Variants in DLGAP2 observed in about 807,000 individuals in gnomAD.
DLGAP2 encodes disks large-associated protein 2.
In DLGAP2, 26 loss-of-function variants were observed where a neutral mutation model predicts 100.3. That is an observed-to-expected ratio of 0.26 (90% CI 0.19 to 0.36). The LOEUF is 0.36. DLGAP2 is among the 10% of genes least tolerant of loss of function. The pLI is 1.00. For synonymous variants in DLGAP2, 886 were observed against 630.1 expected (o/e 1.41, Z -6.08); for missense variants, 1,858 against 1,453.2 (o/e 1.28, Z -4.53).
intron 3 of DLGAP2, among the ~76,000 whole-genome samples, chr8:1,496,604 C>T (rs988712203): frequency 3.3e-5 from 5 of 152,176 alleles, no homozygotes; most frequent in Admixed American, 1.3e-4. Flanking sequence ...ACAGTGATCA[C>T]GGCGCCCTAT....
intron 1 of DLGAP2, among the ~76,000 whole-genome samples, chr8:800,416 C>G (rs1050407095): frequency 5.3e-5 from 8 of 152,214 alleles, no homozygotes; most frequent in African/African-American, 1.7e-4. Flanking sequence ...GACGGTTGTA[C>G]ACAACCATGT....
intron 6 of DLGAP2, chr8:1,622,376 A>T (rs545136167): frequency 6.6e-6 from 1 of 152,310 alleles, no homozygotes; most frequent in East Asian, 1.9e-4. Context: ...AACAAGGGAG[A>T]TGGTTTACGT....
chr8:1,320,831 C>G (rs557099017), intron 3 of DLGAP2, among the ~76,000 whole-genome samples: 1 of 152,160 alleles, frequency 6.6e-6, no homozygotes, highest in African/African-American at 2.4e-5. Flanking sequence ...CTGTGTGTGT[C>G]TGTGTGTGCA....
intron 1 of DLGAP2, among the ~76,000 whole-genome samples, chr8:812,568 T>A (rs1448058952): frequency 1.3e-5 from 2 of 152,208 alleles, no homozygotes; most frequent in African/African-American, 4.8e-5. Context: ...GTTTTGAGAA[T>A]GATTTCTTTT....
At chr8:1,181,709 G>A (rs988696012) in intron 2 of DLGAP2, among the ~76,000 whole-genome samples, 75 of 152,210 alleles carry the variant, frequency 4.9e-4, no homozygotes, top group African/African-American at 1.6e-3. Context: ...ATGAACAAAC[G>A]ATGGGAAGAA....
At chr8:1,334,327 C>T (rs775613094) in intron 3 of DLGAP2, among the ~76,000 whole-genome samples, 18 of 152,210 alleles carry the variant, frequency 1.2e-4, no homozygotes, top group Admixed American at 7.2e-4. Flanking sequence ...TGTGACCCAG[C>T]GTTCCTGGCG....
chr8:979,038 C>G (rs919290421), intron 2 of DLGAP2, among the ~76,000 whole-genome samples: 2 of 152,060 alleles, frequency 1.3e-5, no homozygotes, highest in Non-Finnish European at 2.9e-5. Context: ...CTTCATTCTC[C>G]GCAGGAGTGT....
chr8:1,314,577 C>G (rs968783610), intron 3 of DLGAP2, among the ~76,000 whole-genome samples: 1 of 152,200 alleles, frequency 6.6e-6, no homozygotes, highest in Non-Finnish European at 1.5e-5. Flanking sequence ...AGCATCACTC[C>G]TGTGTCACCG....
intron 2 of DLGAP2, among the ~76,000 whole-genome samples, chr8:1,102,977 A>C (rs1158710962): frequency 1.4e-5 from 2 of 144,364 alleles, no homozygotes; most frequent in African/African-American, 5.2e-5. Flanking sequence ...TCTTCATGAG[A>C]TTCTGGGGTC....
intron 2 of DLGAP2, 69 bp from the exon 3 acceptor site, chr8:1,258,782 G>T: frequency 1.7e-6 from 2 of 1,205,032 alleles, no homozygotes; most frequent in Non-Finnish European, 2.1e-6. Flanking sequence ...TGTTGCTGAT[G>T]TTGAATCTTT....
intron 10 of DLGAP2, among the ~76,000 whole-genome samples, chr8:1,674,308 G>A (rs984768189): frequency 1.3e-5 from 2 of 152,186 alleles, no homozygotes; most frequent in East Asian, 3.8e-4. Flanking sequence ...GCCTCCCAAA[G>A]TGCTGGGATT....
intron 11 of DLGAP2, 94 bp downstream of exon 11, chr8:1,676,712 C>T (rs1798819494): frequency 8.0e-7 from 1 of 1,244,860 alleles, no homozygotes; most frequent in African/African-American, 1.5e-5. Context: ...GGCCCTCAAT[C>T]ATGCCTGTCC....
chr8:988,679 A>C (rs1375664995), intron 2 of DLGAP2, among the ~76,000 whole-genome samples: 1 of 151,556 alleles, frequency 6.6e-6, no homozygotes, highest in East Asian at 1.9e-4. Flanking sequence ...CGTGGCTCTG[A>C]CCTTCCATCT....
intron 1 of DLGAP2, among the ~76,000 whole-genome samples, chr8:898,148 C>T (rs751950523): frequency 1.3e-5 from 2 of 152,204 alleles, no homozygotes; most frequent in African/African-American, 2.4e-5. Flanking sequence ...AGCAGGAAAG[C>T]GCTCAGTCAG....
At chr8:1,657,544 C>G (rs554315942) in intron 8 of DLGAP2, among the ~76,000 whole-genome samples, 1 of 152,190 alleles carries the variant, frequency 6.6e-6, no homozygotes, top group Non-Finnish European at 1.5e-5. Context: ...ATTTTGAATT[C>G]TTTCTTTACT....
intron 2 of DLGAP2, among the ~76,000 whole-genome samples, chr8:1,096,786 G>C (rs1459821361): frequency 1.7e-4 from 24 of 143,238 alleles, no homozygotes; most frequent in South Asian, 4.5e-4. Flanking sequence ...CTGTGGCATG[G>C]AGAGGTCCCC....
At chr8:886,348 G>A (rs1049563782) in intron 1 of DLGAP2, among the ~76,000 whole-genome samples, 11 of 150,820 alleles carry the variant, frequency 7.3e-5, no homozygotes, top group South Asian at 2.1e-4. Context: ...GATTTTTTTC[G>A]GACCATTTTT....
At chr8:1,278,566 A>C (rs547455717) in intron 3 of DLGAP2, among the ~76,000 whole-genome samples, 1 of 152,320 alleles carries the variant, frequency 6.6e-6, no homozygotes, top group Non-Finnish European at 1.5e-5. Context: ...GGTTTAGTAA[A>C]ATTCAGATTT....
intron 2 of DLGAP2, among the ~76,000 whole-genome samples, chr8:1,141,152 A>G (rs1344323951): frequency 6.6e-6 from 1 of 151,980 alleles, no homozygotes; most frequent in African/African-American, 2.4e-5. Flanking sequence ...TCTCCTGGGG[A>G]GGGACTGAGG....
Sources: gnomAD v4.1 joint callset for allele counts (sites outside exome capture counted in the v4.1 genomes callset) on GRCh38, gnomAD v4.1.1 for gene constraint, MANE v1.5 for transcripts, NCBI Gene and HGNC (gene_info 2026-07-23, HGNC 2026-07-21) for gene names.